The following EYS variants were observed in gnomAD, a reference collection of about 807,000 sequenced individuals.
The protein encoded by EYS is protein eyes shut homolog.
Under a neutral mutation model 282.1 loss-of-function variants are expected in EYS, and 250 were observed. The ratio of observed to expected loss-of-function variants is 0.89; its 90% CI spans 0.80 to 0.98. The LOEUF is 0.98. Among genes scored for constraint, EYS ranks in the 50% least tolerant of loss-of-function variants. The pLI is 0.00. For missense variants in EYS, 4,016 were observed against 3,709.0 expected, an observed-to-expected ratio of 1.08 and a Z score of -2.15; for synonymous variants, 1,355 against 1,282.9, an observed-to-expected ratio of 1.06 and a Z score of -1.20.
chr6:64,543,933 A>C (rs1256509789), intron 26 of EYS, among the ~76,000 whole-genome samples: 1 of 152,196 alleles, frequency 6.6e-6, no homozygotes, highest in African/African-American at 2.4e-5. Context: ...CCCTGCTCTA[A>C]AATGCTACAT....
intron 35 of EYS, among the ~76,000 whole-genome samples, chr6:63,949,094 A>G (rs535139037): frequency 1.3e-5 from 2 of 152,342 alleles, no homozygotes; most frequent in South Asian, 4.1e-4. Context: ...TCAAAGACTA[A>G]CAGAAAATGA....
intron 2 of EYS, among the ~76,000 whole-genome samples, chr6:65,530,757 C>T (rs1007113512): frequency 2.0e-5 from 3 of 152,022 alleles, no homozygotes; most frequent in Admixed American, 6.6e-5. Flanking sequence ...CATATATTTC[C>T]ACTGAATTTG....
At chr6:64,091,962 C>T (rs1040476202) in intron 31 of EYS, among the ~76,000 whole-genome samples, 3 of 152,198 alleles carry the variant, frequency 2.0e-5, no homozygotes, top group Non-Finnish European at 2.9e-5. Flanking sequence ...CATGTGTTCT[C>T]ATTGTTCAAT....
intron 31 of EYS, among the ~76,000 whole-genome samples, chr6:64,103,876 T>C (rs1772915650): frequency 6.6e-6 from 1 of 152,138 alleles, no homozygotes; most frequent in African/African-American, 2.4e-5. Flanking sequence ...CTGGAAAGAC[T>C]TTCTGAGCTA....
At chr6:63,889,584 C>A (rs953085878) in intron 35 of EYS, among the ~76,000 whole-genome samples, 2 of 152,100 alleles carry the variant, frequency 1.3e-5, no homozygotes. Context: ...AGGATTTTGT[C>A]ACCACTAGGC....
At chr6:65,127,142 G>A (rs879820257) in intron 12 of EYS, among the ~76,000 whole-genome samples, 4 of 152,060 alleles carry the variant, frequency 2.6e-5, no homozygotes, top group Non-Finnish European at 4.4e-5. Flanking sequence ...TATTGTGTGT[G>A]AAAATGTGAT....
At chr6:63,750,048 T>C (rs1398301339) in intron 41 of EYS, among the ~76,000 whole-genome samples, 1 of 152,220 alleles carries the variant, frequency 6.6e-6, no homozygotes, top group Non-Finnish European at 1.5e-5. Flanking sequence ...TAAACCCCTA[T>C]AATGAATTGT....
chr6:65,578,253 AGAAG>A (rs1764745971), intron 2 of EYS, among the ~76,000 whole-genome samples: 1 of 151,760 alleles, frequency 6.6e-6, no homozygotes, highest in Non-Finnish European at 1.5e-5. Flanking sequence ...GCCTTTAAAA[AGAAG>A]GAAGTCCTAT....
chr6:64,337,933 T>C (rs1270708253), intron 29 of EYS, among the ~76,000 whole-genome samples: 2 of 152,058 alleles, frequency 1.3e-5, no homozygotes, highest in Non-Finnish European at 2.9e-5. Context: ...TCAGTATTGC[T>C]TTATGATTAA....
chr6:64,226,381 G>C (rs1766253162), intron 31 of EYS, among the ~76,000 whole-genome samples: 1 of 152,022 alleles, frequency 6.6e-6, no homozygotes, highest in South Asian at 2.1e-4. Flanking sequence ...ATTTCTTGCT[G>C]TTAATGTACG....
intron 2 of EYS, among the ~76,000 whole-genome samples, chr6:65,630,173 G>T (rs1007529686): frequency 1.1e-4 from 16 of 152,308 alleles, no homozygotes; most frequent in Admixed American, 8.5e-4. Context: ...TTCTTCCCAT[G>T]TCAAAATGGT....
At chr6:63,852,463 C>T (rs2149703804) in intron 36 of EYS, among the ~76,000 whole-genome samples, 1 of 152,230 alleles carries the variant, frequency 6.6e-6, no homozygotes, top group Admixed American at 6.5e-5. Context: ...AGACCAATAA[C>T]AAGTTCTGAA....
At chr6:64,748,694 C>T (rs78824139) in intron 22 of EYS, among the ~76,000 whole-genome samples, 1,589 of 152,276 alleles carry the variant, frequency 0.01, 22 homozygotes, top group South Asian at 0.048. Context: ...ACCAAGTGGG[C>T]TTGGGAAGAG....
At chr6:64,916,754 C>CTT (rs1207525016) in intron 15 of EYS, among the ~76,000 whole-genome samples, 1 of 152,062 alleles carries the variant, frequency 6.6e-6, no homozygotes, top group Non-Finnish European at 1.5e-5. Flanking sequence ...TGGTAGTAAA[C>CTT]ACTTGAAAAC....
chr6:64,229,811 T>C (rs552348142), intron 31 of EYS, among the ~76,000 whole-genome samples: 1 of 152,288 alleles, frequency 6.6e-6, no homozygotes, highest in Admixed American at 6.5e-5. Context: ...AGCGCTTAAA[T>C]GGGAATTTAT....
At chr6:64,734,067 A>T (rs771281828) in intron 22 of EYS, among the ~76,000 whole-genome samples, 8 of 151,936 alleles carry the variant, frequency 5.3e-5, no homozygotes, top group Admixed American at 6.6e-5. Context: ...TAACAATATT[A>T]TATTGTGGTG....
intron 31 of EYS, among the ~76,000 whole-genome samples, chr6:64,126,176 C>T: frequency 6.6e-6 from 1 of 151,962 alleles, no homozygotes; most frequent in East Asian, 1.9e-4. Context: ...ACTAGAAATA[C>T]CATTTGACCC....
At chr6:64,033,682 A>AT (rs55678579) in intron 33 of EYS, among the ~76,000 whole-genome samples, 5 of 151,744 alleles carry the variant, frequency 3.3e-5, no homozygotes, top group African/African-American at 7.3e-5. Flanking sequence ...CAGATCAGAT[A>AT]GGTTGCTACA....
intron 2 of EYS, among the ~76,000 whole-genome samples, chr6:65,563,131 TCAAA>T (rs1046027176): frequency 4.6e-5 from 7 of 152,092 alleles, no homozygotes; most frequent in African/African-American, 1.7e-4. Flanking sequence ...AATAAATTGT[TCAAA>T]CAATTATATA....
Sources: gnomAD v4.1 joint callset for allele counts (sites outside exome capture counted in the v4.1 genomes callset) on GRCh38, gnomAD v4.1.1 for gene constraint, MANE v1.5 for transcripts, NCBI Gene and HGNC (gene_info 2026-07-23, HGNC 2026-07-21) for gene names.